The following OSTN variants were observed in gnomAD, a reference collection of about 807,000 sequenced individuals.
The protein encoded by OSTN is osteocrin.
A neutral mutation model predicts 12.0 loss-of-function variants in OSTN; 9 were observed. That is an observed-to-expected ratio of 0.75 (90% confidence interval 0.45 to 1.30). OSTN has a LOEUF of 1.30. Ranked by LOEUF, OSTN falls within the 50% of genes most tolerant of loss-of-function variation. The pLI is 0.00. For synonymous variants in OSTN, 59 were observed against 56.9 expected (o/e 1.04, Z -0.16); for missense variants, 148 against 152.3 (o/e 0.97, Z 0.15).
intron 3 of OSTN, among the ~76,000 whole-genome samples, chr3:191,233,082 G>C (rs1460833219): frequency 1.3e-5 from 2 of 151,686 alleles, no homozygotes; most frequent in African/African-American, 4.8e-5. Context: ...TAAAATATCA[G>C]AAAAGAAAAA....
At chr3:191,255,404 T>C (rs1168410152) in intron 4 of OSTN, among the ~76,000 whole-genome samples, 1 of 152,234 alleles carries the variant, frequency 6.6e-6, no homozygotes, top group Non-Finnish European at 1.5e-5. Context: ...ATCAGGCAAG[T>C]CTTTCCAAGA....
At chr3:191,209,123 C>A (rs376585431) in intron 1 of OSTN, among the ~76,000 whole-genome samples, 163 of 152,260 alleles carry the variant, frequency 1.1e-3, no homozygotes, top group African/African-American at 3.7e-3. Flanking sequence ...TGCACCACGG[C>A]ACTCCAGCCT....
chr3:191,262,722 A>G, intron 4 of OSTN, 144 bp from the exon 5 acceptor site: 1 of 535,218 alleles, frequency 1.9e-6, no homozygotes, highest in Non-Finnish European at 3.4e-6. Context: ...TTGTCTTCAA[A>G]ATAAAAAATT....
intron 3 of OSTN, among the ~76,000 whole-genome samples, chr3:191,241,844 A>G (rs1247919604): frequency 1.3e-5 from 2 of 152,332 alleles, no homozygotes; most frequent in African/African-American, 4.8e-5. Flanking sequence ...AGGATAACCA[A>G]AAAGAAGGTG....
intron 3 of OSTN, among the ~76,000 whole-genome samples, chr3:191,232,834 C>T (rs1050102849): frequency 1.3e-5 from 2 of 152,064 alleles, no homozygotes; most frequent in African/African-American, 4.8e-5. Context: ...AGCCTGGTCT[C>T]GAGCTCCTGG....
At chr3:191,208,012 A>C (rs565697555) in intron 1 of OSTN, among the ~76,000 whole-genome samples, 1 of 152,322 alleles carries the variant, frequency 6.6e-6, no homozygotes, top group East Asian at 1.9e-4. Context: ...ATAATAGTCC[A>C]ATTGTCTAAA....
At chr3:191,204,296 TTAAAAATAG>T (rs1296481269) in intron 1 of OSTN, among the ~76,000 whole-genome samples, 1 of 152,184 alleles carries the variant, frequency 6.6e-6, no homozygotes, top group Non-Finnish European at 1.5e-5. Flanking sequence ...ACACAATTTA[TTAAAAATAG>T]CAAATTTCAG....
At chr3:191,254,299 G>A (rs550593038) in intron 4 of OSTN, among the ~76,000 whole-genome samples, 22 of 152,348 alleles carry the variant, frequency 1.4e-4, no homozygotes, top group African/African-American at 5.3e-4. Context: ...GAATGCAATG[G>A]CAATATGCCA....
chr3:191,244,013 G>A (rs148887250), intron 3 of OSTN, among the ~76,000 whole-genome samples: 66 of 152,200 alleles, frequency 4.3e-4, no homozygotes, highest in Non-Finnish European at 6.9e-4. Context: ...CAGTTTGGGA[G>A]AAGGAATACC....
At chr3:191,244,783 T>G (rs899399985) in intron 3 of OSTN, among the ~76,000 whole-genome samples, 6 of 150,856 alleles carry the variant, frequency 4.0e-5, no homozygotes, top group African/African-American at 1.5e-4. Flanking sequence ...ACTAAAAATT[T>G]TAAAATGAAT....
At chr3:191,244,436 A>C (rs1165555476) in intron 3 of OSTN, among the ~76,000 whole-genome samples, 1 of 151,668 alleles carries the variant, frequency 6.6e-6, no homozygotes, top group Non-Finnish European at 1.5e-5. Context: ...GCCATGTCAT[A>C]CCATTATTTT....
At chr3:191,211,129 A>G (rs1454732801) in intron 1 of OSTN, among the ~76,000 whole-genome samples, 1 of 152,194 alleles carries the variant, frequency 6.6e-6, no homozygotes, top group Non-Finnish European at 1.5e-5. Flanking sequence ...TGCAGAGGTA[A>G]TCATAATCAT....
chr3:191,222,273 T>C (rs1449809228), intron 3 of OSTN, among the ~76,000 whole-genome samples: 1 of 152,084 alleles, frequency 6.6e-6, no homozygotes, highest in Non-Finnish European at 1.5e-5. Context: ...CCCAGAATGG[T>C]AGATCTTTTG....
intron 1 of OSTN, among the ~76,000 whole-genome samples, chr3:191,209,735 T>C (rs1455721215): frequency 6.6e-6 from 1 of 152,086 alleles, no homozygotes; most frequent in African/African-American, 2.4e-5. Context: ...GCATGTAACA[T>C]TGATTATTAA....
chr3:191,226,112 T>A (rs1397556387), intron 3 of OSTN, among the ~76,000 whole-genome samples: 1 of 152,148 alleles, frequency 6.6e-6, no homozygotes, highest in Non-Finnish European at 1.5e-5. Context: ...TTATCTCATA[T>A]ATGAATATCG....
At chr3:191,210,356 A>C (rs9878955) in intron 1 of OSTN, among the ~76,000 whole-genome samples, 1 of 152,006 alleles carries the variant, frequency 6.6e-6, no homozygotes, top group Admixed American at 6.6e-5. Flanking sequence ...AAACACATTG[A>C]GGGCAAGGAA....
intron 1 of OSTN, among the ~76,000 whole-genome samples, chr3:191,202,262 T>C (rs888438426): frequency 1.1e-4 from 17 of 152,208 alleles, no homozygotes; most frequent in African/African-American, 4.1e-4. Flanking sequence ...TATGCAAATG[T>C]TATTTTTTCA....
chr3:191,235,091 G>C (rs1040162820), intron 3 of OSTN, among the ~76,000 whole-genome samples: 1 of 152,090 alleles, frequency 6.6e-6, no homozygotes, highest in Non-Finnish European at 1.5e-5. Flanking sequence ...GTCATAATCA[G>C]AAAAAACAGC....
intron 2 of OSTN, 52 bp from the exon 3 acceptor site, chr3:191,218,695 A>C: frequency 6.8e-7 from 1 of 1,469,210 alleles, no homozygotes; most frequent in Non-Finnish European, 9.5e-7. Context: ...ATATGTACAT[A>C]CTTGGAGTCT....
Sources: gnomAD v4.1 joint callset for allele counts (sites outside exome capture counted in the v4.1 genomes callset) on GRCh38, gnomAD v4.1.1 for gene constraint, MANE v1.5 for transcripts, NCBI Gene and HGNC (gene_info 2026-07-23, HGNC 2026-07-21) for gene names.